The following TSNARE1 variants were observed in gnomAD, a reference collection of about 807,000 sequenced individuals.
TSNARE1 encodes the protein t-SNARE domain containing 1, also known as t-SNARE domain-containing protein 1.
In TSNARE1, 49 loss-of-function variants were observed where a neutral mutation model predicts 62.0. The observed-to-expected ratio is 0.79, with a 90% confidence interval of 0.63 to 1.00. The LOEUF is 1.00. Among genes scored for constraint, TSNARE1 ranks in the 50% least tolerant of loss-of-function variants. TSNARE1 has a pLI of 0.00. For synonymous variants in TSNARE1, 328 were observed against 294.4 expected (o/e 1.11, Z -1.17); for missense variants, 755 against 700.1 (o/e 1.08, Z -0.88).
chr8:142,319,629 C>T lies in TSNARE1; in HGVS notation c.894-995G>A, dbSNP rs1282935045. ...TACAGCCCAAAAGGCCCCTGCAGGC[C>T]CCTCAGGCATCACCCAGGACCTGCA... On this transcript the variant is annotated intron_variant, in intron 6 of 13. Transcript: ENST00000524325. The surrounding 1 kb of genome is among the most constrained non-coding windows in gnomAD (Gnocchi z 4.9). Among the ~76,000 whole-genome samples the T allele has an allele frequency of 6.6e-6, 1 of 152,136 alleles. No individual in the cohort carries two copies. Among genetic ancestry groups the T allele is most frequent in the Non-Finnish European group, 1.5e-5 (1 of 68,008 alleles).
At chr8:142,270,092 G>C in intron 12 of TSNARE1, 1 of 985,426 alleles carries the variant, frequency 1.0e-6, no homozygotes, top group African/African-American at 1.7e-5. Context: ...CCAGGCAGAG[G>C]CCCCAGACTA....
chr8:142,235,194 G>A (rs964071740), intron 12 of TSNARE1, among the ~76,000 whole-genome samples: 6 of 150,988 alleles, frequency 4.0e-5, no homozygotes, highest in Non-Finnish European at 8.8e-5. Context: ...ACTCACCCAG[G>A]ATACCCGCAG....
At chr8:142,219,168 C>G (rs1290020990) in intron 13 of TSNARE1, among the ~76,000 whole-genome samples, 5 of 152,194 alleles carry the variant, frequency 3.3e-5, no homozygotes, top group Non-Finnish European at 7.3e-5. Flanking sequence ...GCCAGAATCC[C>G]TGTTTCTGCT....
At chr8:142,298,518 G>A (rs1043765133) in intron 10 of TSNARE1, among the ~76,000 whole-genome samples, 7 of 152,170 alleles carry the variant, frequency 4.6e-5, no homozygotes, top group East Asian at 3.9e-4. Flanking sequence ...CCCGAGACCC[G>A]TGCCACAGAT....
intron 1 of TSNARE1, among the ~76,000 whole-genome samples, chr8:142,370,456 C>G (rs1484209303): frequency 6.6e-6 from 1 of 152,056 alleles, no homozygotes; most frequent in East Asian, 1.9e-4. Context: ...GATATGTGCC[C>G]AGCTACTCGG....
intron 1 of TSNARE1, among the ~76,000 whole-genome samples, chr8:142,386,454 AC>A (rs1564010123): frequency 6.6e-6 from 1 of 152,182 alleles, no homozygotes; most frequent in African/African-American, 2.4e-5. Flanking sequence ...AAAAGACTTA[AC>A]AATACATGCA....
chr8:142,285,856 C>CCACGCCACT (rs1297683874), intron 10 of TSNARE1, among the ~76,000 whole-genome samples: 2 of 152,184 alleles, frequency 1.3e-5, no homozygotes, highest in Non-Finnish European at 2.9e-5. Flanking sequence ...AGAGACGTGG[C>CCACGCCACT]CACGCCACTC....
intron 13 of TSNARE1, among the ~76,000 whole-genome samples, chr8:142,215,158 C>T (rs1328435508): frequency 2.6e-5 from 4 of 152,204 alleles, no homozygotes; most frequent in Non-Finnish European, 5.9e-5. Flanking sequence ...GCGTATTGAT[C>T]GAGTGAACAA....
chr8:142,217,851 C>CAGGAT lies in TSNARE1; in HGVS notation c.*12-5543_*12-5539dup, dbSNP rs1222663599. ...GCAGGATCAGGGCTCAGTGTGTGAG[C>CAGGAT]AGGATCAGGGCTCAGTGTGTGGCCA... On this transcript the variant is annotated intron_variant, in intron 13 of 13. Transcript: ENST00000524325. Among the ~76,000 whole-genome samples, 4 of 149,966 alleles carry CAGGAT rather than the reference C, an allele frequency of 2.7e-5. No homozygotes were observed. The South Asian group carries it at 8.4e-4, about 32-fold the overall frequency.
chr8:142,346,631 G>A (rs1833404368), intron 2 of TSNARE1, among the ~76,000 whole-genome samples: 2 of 152,232 alleles, frequency 1.3e-5, no homozygotes, highest in Admixed American at 6.5e-5. Flanking sequence ...CAGACCCCGC[G>A]TGCCTGTCTG....
At chr8:142,313,022 G>A (rs1827840961) in intron 9 of TSNARE1, among the ~76,000 whole-genome samples, 3 of 152,208 alleles carry the variant, frequency 2.0e-5, no homozygotes, top group Admixed American at 1.3e-4. Flanking sequence ...GTCTCTGGGT[G>A]TCTATCTGCA....
chr8:142,262,131 A>G (rs1200892795), intron 12 of TSNARE1, among the ~76,000 whole-genome samples: 1 of 152,208 alleles, frequency 6.6e-6, no homozygotes, highest in Non-Finnish European at 1.5e-5. Flanking sequence ...CCGTGGTGGG[A>G]CAGCAGTCTC....
Position 142,376,201 on chromosome 8 carries a change from T to A in TSNARE1, c.-39-21438A>T, listed in dbSNP as rs112691489. ...GCACCCCGCAGGGCTACTGAACGGG[T>A]GAGAAAGGGACAAGGGTGTGTCTCA... On this transcript the variant is annotated intron_variant, in intron 1 of 13. Transcript: ENST00000524325. 2.5e-3 allele frequency among the ~76,000 whole-genome samples: 386 copies of A among 151,834 alleles called. 1 individual carries two copies. The highest frequency in any genetic ancestry group is 0.01 in the Middle Eastern group (3 of 294).
intron 1 of TSNARE1, among the ~76,000 whole-genome samples, chr8:142,393,994 G>A (rs545061299): frequency 3.9e-5 from 6 of 152,342 alleles, no homozygotes; most frequent in African/African-American, 1.4e-4. Context: ...AAAACCTGAG[G>A]GATGTTCATT....
intron 11 of TSNARE1, 61 bp downstream of exon 11, chr8:142,284,352 T>C: frequency 7.2e-7 from 1 of 1,387,696 alleles, no homozygotes; most frequent in East Asian, 2.3e-5. Context: ...GGGTGAGGGC[T>C]GGGGGCTGGC....
intron 1 of TSNARE1, among the ~76,000 whole-genome samples, chr8:142,367,235 T>A (rs1035269811): frequency 1.3e-5 from 2 of 152,196 alleles, no homozygotes; most frequent in Non-Finnish European, 2.9e-5. Flanking sequence ...GCTGGACAAG[T>A]TGGCAGACAG....
intron 6 of TSNARE1, among the ~76,000 whole-genome samples, chr8:142,320,316 G>A (rs752681652): frequency 2.0e-5 from 3 of 152,010 alleles, no homozygotes; most frequent in African/African-American, 4.8e-5. Flanking sequence ...GTGGCCTCCC[G>A]CATCTGCAAC....
intron 13 of TSNARE1, among the ~76,000 whole-genome samples, chr8:142,224,734 G>A (rs1274387509): frequency 3.4e-5 from 1 of 29,156 alleles, no homozygotes; most frequent in Non-Finnish European, 9.3e-5. Context: ...TGCTCTGGGG[G>A]CTGGCCTCTT....
intron 12 of TSNARE1, among the ~76,000 whole-genome samples, chr8:142,246,915 G>T (rs1817911915): frequency 6.6e-6 from 1 of 152,250 alleles, no homozygotes; most frequent in African/African-American, 2.4e-5. Context: ...CATGAAGGCT[G>T]CCATCTGAAA....
Sources: allele counts gnomAD v4.1 joint callset (sites outside exome capture counted in the v4.1 genomes callset), GRCh38; gene constraint gnomAD v4.1.1; non-coding constraint Gnocchi (gnomAD v3.1); transcripts MANE v1.5; gene names NCBI Gene and HGNC (gene_info 2026-07-23, HGNC 2026-07-21).